Variants in HNRNPA0 observed in about 807,000 individuals in gnomAD.
HNRNPA0 encodes the protein heterogeneous nuclear ribonucleoprotein A0, also known as hnRNA binding protein.
For missense variants in HNRNPA0, 252 were observed against 433.7 expected, an observed-to-expected ratio of 0.58 and a Z score of 3.72; for synonymous variants, 243 against 195.5, an observed-to-expected ratio of 1.24 and a Z score of -2.03.
chr5:137,746,158 G>C lies in HNRNPA0; in HGVS notation c.*6991C>G, dbSNP rs746549563. ...TCAACATATATATGTAGATACCTAT[G>C]GTAGAGTTGAAAAGATTGTGGATCA... On this transcript the variant is annotated 3_prime_UTR_variant, in exon 1 of 1. Transcript: ENST00000314940. 2 of 152,112 alleles carry C rather than the reference G, an allele frequency of 1.3e-5. No individual in the cohort carries two copies. Among genetic ancestry groups the C allele is most frequent in the African/African-American group, 2.4e-5 (1 of 41,414 alleles). 9.4% of individuals were successfully genotyped at this position (152,112 alleles called of 1,614,324 possible). A position where few individuals can be genotyped will look rare whatever the true frequency, so the allele number is the denominator to read the frequency against.
rs1441767336 is a variant in HNRNPA0, at chr5:137,750,816, T to C, written c.*2333A>G. 1 of 152,168 alleles carries C rather than the reference T, an allele frequency of 6.6e-6. No homozygotes were observed. Among genetic ancestry groups the C allele is most frequent in the East Asian group, 1.9e-4 (1 of 5,202 alleles). 9.4% of individuals were successfully genotyped at this position (152,168 alleles called of 1,614,324 possible). A position where few individuals can be genotyped will look rare whatever the true frequency, so the allele number is the denominator to read the frequency against. On this transcript the variant is annotated 3_prime_UTR_variant, in exon 1 of 1. Transcript: ENST00000314940. ...CAGAAAATCCTTTTACATAATTCAT[T>C]TGCAAACTTTAGAAGCCACTATATT...
At position 137,753,326 on chromosome 5, in the gene HNRNPA0, G is replaced by C. The variant is rs1240122350; in HGVS notation, c.741C>G (p.Asp247Glu). Residue 247 changes from aspartate to glutamate, a missense_variant, in exon 1 of 1, where the codon GAC becomes GAG. Coordinates refer to ENST00000314940, the MANE Select transcript of HNRNPA0 (RefSeq NM_006805.4). The surrounding 1 kb of genome is among the most constrained non-coding windows in gnomAD (Gnocchi z 6.1). ...GGGGSSYGGS[D>E]YGNGFGGFGS... ...CGAAGCCGCCGAAGCCGTTACCGTA[G>C]TCGCTCCCACCGTAGGACGAACCGC... The C allele has an allele frequency of 1.3e-6, 2 of 1,562,152 alleles. No individual in the cohort carries two copies. Among genetic ancestry groups the C allele is most frequent in the Non-Finnish European group, 1.7e-6 (2 of 1,153,450 alleles).
chr5:137,748,552 C>G lies in HNRNPA0; in HGVS notation c.*4597G>C, dbSNP rs1158860320. 3 of 152,116 alleles carry G rather than the reference C, an allele frequency of 2.0e-5. No homozygotes were observed. The highest frequency in any genetic ancestry group is 2.9e-5 in the Non-Finnish European group (2 of 68,014). 9.4% of individuals were successfully genotyped at this position (152,116 alleles called of 1,614,324 possible). ...TGTGTACCAGAGACTACAGTAAGCC[C>G]TTCTTTATATGCATTCTTTCACTGA... is the stretch of plus-strand genomic sequence containing the variant. On this transcript the variant is annotated 3_prime_UTR_variant, in exon 1 of 1. Transcript: ENST00000314940.
In HNRNPA0 at chr5:137,747,512, TA is replaced by T. The variant is rs1378732497; in HGVS notation, c.*5636del. The T allele has an allele frequency of 2.0e-5, 3 of 152,320 alleles. No individual in the cohort carries two copies. The East Asian group carries it at 5.8e-4, about 29-fold the overall frequency. The allele number at this position is 152,320 out of a possible 1,614,324, so 9.4% of individuals were successfully genotyped here. A position where few individuals can be genotyped will look rare whatever the true frequency, so the allele number is the denominator to read the frequency against. On this transcript the variant is annotated 3_prime_UTR_variant, in exon 1 of 1. Coordinates refer to ENST00000314940, the MANE Select transcript of HNRNPA0 (RefSeq NM_006805.4). ...CATCCTCTCACACAGTAATTTTGAT[TA>T]ATCTACTCTCTCTTCCTCATTCTTC...
chr5:137,753,220 C>A lies in HNRNPA0; in HGVS notation c.847G>T (p.Gly283Cys). The A allele has an allele frequency of 6.2e-7, 1 of 1,613,406 alleles. No homozygotes were observed. The highest frequency in any genetic ancestry group is 8.5e-7 in the Non-Finnish European group (1 of 1,179,928). ...CTGTAAGGTCCACTATTACTGCGAC[C>A]GCCCCAGCTACTGCCTCCACCGCCG... ...GGGGGGSSWG[G>C]RSNSGPYRGG... The change falls in exon 1 of 1, where the codon GGT becomes TGT. Residue 283 changes from glycine (G) to cysteine (C), a missense_variant. Gly to Cys is a radical substitution (Grantham distance 159, BLOSUM62 -3). Transcript: ENST00000314940. This position sits in a 1 kb window ranked among gnomAD's most constrained non-coding sequence, Gnocchi z 6.1.
At position 137,753,364 on chromosome 5, in the gene HNRNPA0, C is replaced by T. The variant is rs1204177756; in HGVS notation, c.703G>A (p.Gly235Arg). Residue 235 changes from glycine (G) to arginine (R), a missense_variant, in exon 1 of 1, where the codon GGA (glycine) becomes AGA (arginine). Coordinates refer to ENST00000314940, the MANE Select transcript of HNRNPA0 (RefSeq NM_006805.4). The surrounding 1 kb of genome is among the most constrained non-coding windows in gnomAD (Gnocchi z 6.1). ...TAGGACGAACCGCCGCCGCCGCCTC[C>T]GTAGGCATTGTAGCCGCCGCCTCCG... Reference protein sequence around the residue: ...GGGGGGYNAYGGGGGGSSYGG... With the variant: ...GGGGGGYNAYRGGGGGSSYGG... 5.2e-6 allele frequency: 8 copies of T among 1,548,650 alleles called. No individual in the cohort carries two copies. The highest frequency in any genetic ancestry group is 7.0e-6 in the Non-Finnish European group (8 of 1,146,452).
rs1485206887 is a variant in HNRNPA0 at position 137,751,340 on chromosome 5, A to C, written c.*1809T>G. ...AAAAAAAAAAAAAAAACTGGCAAGA[A>C]CTAGACCTTAGGAATTGAACAGTGA... On this transcript the variant is annotated 3_prime_UTR_variant, in exon 1 of 1. Transcript: ENST00000314940. 6.6e-6 allele frequency: 1 copy of C among 151,376 alleles called. No homozygotes were observed. The allele number at this position is 151,376 out of a possible 1,614,324, so 9.4% of individuals were successfully genotyped here. A position where few individuals can be genotyped will look rare whatever the true frequency, so the allele number is the denominator to read the frequency against.
rs1250321812 is a variant in HNRNPA0 at position 137,750,507 on chromosome 5, A to C, written c.*2642T>G. ...TACATTCAAGCATGGCACAAAAATTATATTCAACACTAGGTTCTGTACCAC... is the reference window on the plus strand; with the variant it reads ...TACATTCAAGCATGGCACAAAAATTCTATTCAACACTAGGTTCTGTACCAC... On this transcript the variant is annotated 3_prime_UTR_variant, in exon 1 of 1. Transcript: ENST00000314940. The C allele has an allele frequency of 6.6e-6, 1 of 152,160 alleles. No individual in the cohort carries two copies. Among genetic ancestry groups the C allele is most frequent in the African/African-American group, 2.4e-5 (1 of 41,446 alleles). The allele number at this position is 152,160 out of a possible 1,614,324, so 9.4% of individuals were successfully genotyped here. A position where few individuals can be genotyped will look rare whatever the true frequency, so the allele number is the denominator to read the frequency against.
rs1753414023 is a variant in HNRNPA0, at chr5:137,746,669, C to T, written c.*6480G>A. The stretch of plus-strand genomic sequence containing the variant: ...CTTGCAACAATCGCCATTCCTCACC[C>T]TAATTTTTTCTATACTTCTCATCTT... On this transcript the variant is annotated 3_prime_UTR_variant, in exon 1 of 1. Transcript: ENST00000314940. The T allele has an allele frequency of 6.6e-6, 1 of 152,198 alleles. No individual in the cohort carries two copies. The highest frequency in any genetic ancestry group is 1.5e-5 in the Non-Finnish European group (1 of 68,044). The allele number at this position is 152,198 out of a possible 1,614,324, so 9.4% of individuals were successfully genotyped here.
chr5:137,751,841 A>T lies in HNRNPA0; in HGVS notation c.*1308T>A, dbSNP rs1753503275. The stretch of plus-strand genomic sequence containing the variant: ...TTTAGGGCTATTGCCCAAGCTATGC[A>T]TAGCAGTTTACATTTTCAAACCTCA... On this transcript the variant is annotated 3_prime_UTR_variant, in exon 1 of 1. Transcript: ENST00000314940. The T allele has an allele frequency of 6.5e-6, 1 of 152,698 alleles. No homozygotes were observed. Among genetic ancestry groups the T allele is most frequent in the Admixed American group, 6.5e-5 (1 of 15,294 alleles). 9.5% of individuals were successfully genotyped at this position (152,698 alleles called of 1,614,324 possible).
Position 137,754,130 on chromosome 5 carries a change from C to A in HNRNPA0, c.-64G>T. 6.5e-7 allele frequency: 1 copy of A among 1,532,308 alleles called. No individual in the cohort carries two copies. Among genetic ancestry groups the A allele is most frequent in the Non-Finnish European group, 8.8e-7 (1 of 1,140,196 alleles). The allele number at this position is 1,532,308 out of a possible 1,614,324, so 94.9% of individuals were successfully genotyped here. A position where few individuals can be genotyped will look rare whatever the true frequency, so the allele number is the denominator to read the frequency against. ...GAGGTTTCGCCGTCGCCGCCGTTAT[C>A]GTTGGTTAAGGCCTCTACACAGCTT... On this transcript the variant is annotated 5_prime_UTR_variant, in exon 1 of 1. Coordinates refer to ENST00000314940, the MANE Select transcript of HNRNPA0 (RefSeq NM_006805.4).
Position 137,751,837 on chromosome 5 carries a change from A to G in HNRNPA0, c.*1312T>C, listed in dbSNP as rs1753503002. Reference sequence around the variant, plus strand: ...GCAATTTAGGGCTATTGCCCAAGCTATGCATAGCAGTTTACATTTTCAAAC... The same window carrying G: ...GCAATTTAGGGCTATTGCCCAAGCTGTGCATAGCAGTTTACATTTTCAAAC... On this transcript the variant is annotated 3_prime_UTR_variant, in exon 1 of 1. Coordinates refer to ENST00000314940, the MANE Select transcript of HNRNPA0 (RefSeq NM_006805.4). 1 of 152,676 alleles carries G rather than the reference A, an allele frequency of 6.5e-6. No individual in the cohort carries two copies. The highest frequency in any genetic ancestry group is 1.5e-5 in the Non-Finnish European group (1 of 68,044). 9.5% of individuals were successfully genotyped at this position (152,676 alleles called of 1,614,324 possible). A position where few individuals can be genotyped will look rare whatever the true frequency, so the allele number is the denominator to read the frequency against.
In HNRNPA0 at chr5:137,753,848, G is replaced by A. The variant is rs145994010; in HGVS notation, c.219C>T (p.Asp73=). The A allele has an allele frequency of 1.8e-5, 29 of 1,612,750 alleles. No individual in the cohort carries two copies. Among genetic ancestry groups the A allele is most frequent in the African/African-American group, 4.0e-5 (3 of 75,058 alleles). Residue 73 remains aspartate (D), a synonymous_variant, in exon 1 of 1, where the codon GAC becomes GAT. Transcript: ENST00000314940. This position sits in a 1 kb window ranked among gnomAD's most constrained non-coding sequence, Gnocchi z 6.1. ...CCCGCTTCAGCTCCACAGTGTTGCC[G>A]TCCACGGCATGGGGCGAGGCGGCCA... is the stretch of plus-strand genomic sequence containing the variant. The part of the protein sequence containing the change: ...AAMAASPHAV[D]GNTVELKRAV...
rs918771860 is a variant in HNRNPA0 at position 137,746,443 on chromosome 5, C to G, written c.*6706G>C. 3.4e-4 allele frequency: 52 copies of G among 152,206 alleles called. 1 individual carries two copies. 9.4% of individuals were successfully genotyped at this position (152,206 alleles called of 1,614,324 possible). On this transcript the variant is annotated 3_prime_UTR_variant, in exon 1 of 1. Transcript: ENST00000314940. ...CTCCTCTTCCTTCAGGTCCAACAAC[C>G]CTGAACAATTTGCATTTCTTCAGAG...
At position 137,748,170 on chromosome 5, in the gene HNRNPA0, CCT is replaced by C. The variant is rs1458033140; in HGVS notation, c.*4977_*4978del. Reference sequence around the variant, plus strand: ...CCTATCTGTCCTCCACCTAAAATGCCCTCTTTCTCCTCCCACCTTCTCTATAA... The same window carrying C: ...CCTATCTGTCCTCCACCTAAAATGCCCTTTCTCCTCCCACCTTCTCTATAA... On this transcript the variant is annotated 3_prime_UTR_variant, in exon 1 of 1. Coordinates refer to ENST00000314940, the MANE Select transcript of HNRNPA0 (RefSeq NM_006805.4). 5 of 152,174 alleles carry C rather than the reference CCT, an allele frequency of 3.3e-5. No individual in the cohort carries two copies. Among genetic ancestry groups the C allele is most frequent in the Admixed American group, 1.3e-4 (2 of 15,272 alleles). 9.4% of individuals were successfully genotyped at this position (152,174 alleles called of 1,614,324 possible). A position where few individuals can be genotyped will look rare whatever the true frequency, so the allele number is the denominator to read the frequency against.
rs1167876861 is a variant in HNRNPA0 at position 137,745,969 on chromosome 5, A to G, written c.*7180T>C. The G allele has an allele frequency of 6.6e-6, 1 of 152,160 alleles. No homozygotes were observed. The highest frequency in any genetic ancestry group is 1.5e-5 in the Non-Finnish European group (1 of 68,028). 9.4% of individuals were successfully genotyped at this position (152,160 alleles called of 1,614,324 possible). On this transcript the variant is annotated 3_prime_UTR_variant, in exon 1 of 1. Coordinates refer to ENST00000314940, the MANE Select transcript of HNRNPA0 (RefSeq NM_006805.4). The stretch of plus-strand genomic sequence containing the variant: ...TGTTTGAACAGTCTAGGTACAGTGA[A>G]CCACCTTTATTAGTGAACAGTGAGA...
In HNRNPA0 at chr5:137,753,554, C is replaced by T. The variant is rs1162907749; in HGVS notation, c.513G>A (p.Lys171=). ...AGATATCCTCCTTGGGGACTGCTTT[C>T]TTCACCTCCACGCGATGGCCCTGAA... ...HPIQGHRVEV[K]KAVPKEDIYS... The change falls in exon 1 of 1, where the codon AAG becomes AAA. Residue 171 remains lysine (K), a synonymous_variant. Transcript: ENST00000314940. The surrounding 1 kb of genome is among the most constrained non-coding windows in gnomAD (Gnocchi z 6.1). 1 of 1,613,202 alleles carries T rather than the reference C, an allele frequency of 6.2e-7. No individual in the cohort carries two copies. Among genetic ancestry groups the T allele is most frequent in the Non-Finnish European group, 8.5e-7 (1 of 1,179,332 alleles).
At position 137,751,148 on chromosome 5, in the gene HNRNPA0, G is replaced by A. The variant is rs752679963; in HGVS notation, c.*2001C>T. ...ATTTGAGAGCAAAGGATTTGACTAT[G>A]TATTACCTCAATGTGTAAAAACATC... is the stretch of plus-strand genomic sequence containing the variant. On this transcript the variant is annotated 3_prime_UTR_variant, in exon 1 of 1. Coordinates refer to ENST00000314940, the MANE Select transcript of HNRNPA0 (RefSeq NM_006805.4). 7 of 152,200 alleles carry A rather than the reference G, an allele frequency of 4.6e-5. No homozygotes were observed. Among genetic ancestry groups the A allele is most frequent in the East Asian group, 1.9e-4 (1 of 5,178 alleles). The allele number at this position is 152,200 out of a possible 1,614,324, so 9.4% of individuals were successfully genotyped here.
In HNRNPA0 at chr5:137,748,587, ACAATC is replaced by A. The variant is rs1753445647; in HGVS notation, c.*4557_*4561del. The A allele has an allele frequency of 1.3e-5, 2 of 152,160 alleles. No homozygotes were observed. The highest frequency in any genetic ancestry group is 1.3e-4 in the Admixed American group (2 of 15,278). 9.4% of individuals were successfully genotyped at this position (152,160 alleles called of 1,614,324 possible). On this transcript the variant is annotated 3_prime_UTR_variant, in exon 1 of 1. Coordinates refer to ENST00000314940, the MANE Select transcript of HNRNPA0 (RefSeq NM_006805.4). The stretch of plus-strand genomic sequence containing the variant: ...TGCATTCTTTCACTGAATCTGCCCA[ACAATC>A]CTATGTAGCAGGTATTACCATAGCC...
Sources: gnomAD v4.1 joint callset for allele counts on GRCh38, gnomAD v4.1.1 for gene constraint, Gnocchi (gnomAD v3.1) non-coding constraint, MANE v1.5 for transcripts, NCBI Gene and HGNC (gene_info 2026-07-23, HGNC 2026-07-21) for gene names.